SLC25A48: variants seen among roughly 807,000 people sequenced by gnomAD.
The protein encoded by SLC25A48 is CTC-321K16.1.
SLC25A48 carries 29 observed loss-of-function variants against 32.2 expected under a neutral mutation model. That is an observed-to-expected ratio of 0.90 (90% CI 0.67 to 1.23). The LOEUF is 1.23. Among genes scored for constraint, SLC25A48 ranks in the 50% most tolerant of loss-of-function variants. The pLI, the probability that SLC25A48 is intolerant of heterozygous loss-of-function variation, is 0.00. For synonymous variants in SLC25A48, 164 were observed against 172.3 expected, an observed-to-expected ratio of 0.95 and a Z score of 0.38; for missense variants, 399 against 422.7, an observed-to-expected ratio of 0.94 and a Z score of 0.49.
chr5:135,680,031 G>A (rs899395683), intron 3 of SLC25A48, among the ~76,000 whole-genome samples: 4 of 151,994 alleles, frequency 2.6e-5, no homozygotes, highest in Admixed American at 2.6e-4. Context: ...TTTTTGCACT[G>A]GGTTGCCTCT....
intron 3 of SLC25A48, among the ~76,000 whole-genome samples, chr5:135,644,085 G>T (rs1401501163): frequency 1.3e-5 from 2 of 152,116 alleles, no homozygotes; most frequent in Non-Finnish European, 2.9e-5. Flanking sequence ...AGGGGCCAAG[G>T]AGGTTATTCA....
intron 4 of SLC25A48, among the ~76,000 whole-genome samples, chr5:135,820,495 T>G (rs1294339106): frequency 2.6e-5 from 4 of 152,174 alleles, no homozygotes; most frequent in Admixed American, 6.5e-5. Flanking sequence ...CACTTTACGG[T>G]GTATATAAAT....
chr5:135,731,875 C>G (rs1344805672), intron 3 of SLC25A48, among the ~76,000 whole-genome samples: 1 of 152,210 alleles, frequency 6.6e-6, no homozygotes, highest in East Asian at 1.9e-4. Context: ...CCTGGAGAAA[C>G]AGTGTAAACC....
intron 3 of SLC25A48, among the ~76,000 whole-genome samples, chr5:135,748,126 A>C (rs1755683708): frequency 6.6e-6 from 1 of 152,194 alleles, no homozygotes; most frequent in African/African-American, 2.4e-5. Context: ...CCTATCAGGT[A>C]GGGACTATTG....
intron 1 of SLC25A48, among the ~76,000 whole-genome samples, chr5:135,602,679 A>T (rs1217884630): frequency 6.8e-6 from 1 of 147,574 alleles, no homozygotes; most frequent in Non-Finnish European, 1.5e-5. Context: ...TTTGTTACAT[A>T]TGTATACATG....
At chr5:135,724,412 G>A (rs1277873373) in intron 3 of SLC25A48, among the ~76,000 whole-genome samples, 1 of 152,130 alleles carries the variant, frequency 6.6e-6, no homozygotes, top group Non-Finnish European at 1.5e-5. Flanking sequence ...GAGCCCCTGC[G>A]CCACCCAGCT....
At chr5:135,662,053 G>A (rs975243042) in intron 3 of SLC25A48, among the ~76,000 whole-genome samples, 3 of 152,110 alleles carry the variant, frequency 2.0e-5, no homozygotes, top group Admixed American at 2.0e-4. Flanking sequence ...CCTTCCACTG[G>A]CAATGCATAC....
intron 3 of SLC25A48, among the ~76,000 whole-genome samples, chr5:135,694,707 C>G (rs988759049): frequency 6.6e-6 from 1 of 152,094 alleles, no homozygotes; most frequent in African/African-American, 2.4e-5. Flanking sequence ...CCTGCTCAGC[C>G]TCCTGAGTAG....
chr5:135,879,380 A>G (rs1762274562), intron 6 of SLC25A48, among the ~76,000 whole-genome samples: 1 of 152,062 alleles, frequency 6.6e-6, no homozygotes, highest in Admixed American at 6.6e-5. Flanking sequence ...CGCCCCTTAC[A>G]GTCGGGAAAA....
At chr5:135,870,590 G>T (rs890779285) in intron 4 of SLC25A48, among the ~76,000 whole-genome samples, 1 of 152,202 alleles carries the variant, frequency 6.6e-6, no homozygotes, top group African/African-American at 2.4e-5. Context: ...GAGCCCCAGT[G>T]CTGCCCTACA....
intron 3 of SLC25A48, among the ~76,000 whole-genome samples, chr5:135,695,799 A>G (rs1201065584): frequency 2.6e-5 from 4 of 152,188 alleles, no homozygotes; most frequent in Non-Finnish European, 5.9e-5. Context: ...TCTCCAGGAT[A>G]TGGGCCCTTG....
At chr5:135,864,593 G>A (rs1211460419) in intron 4 of SLC25A48, among the ~76,000 whole-genome samples, 4 of 152,228 alleles carry the variant, frequency 2.6e-5, no homozygotes, top group Non-Finnish European at 4.4e-5. Context: ...GAGAGCTGGA[G>A]CAATGGCAGC....
intron 3 of SLC25A48, among the ~76,000 whole-genome samples, chr5:135,652,986 A>T (rs1753152358): frequency 6.6e-6 from 1 of 152,210 alleles, no homozygotes; most frequent in South Asian, 2.1e-4. Flanking sequence ...GATTAACACC[A>T]TCATAAAAGG....
At chr5:135,831,452 C>T (rs1001534850), upstream of SLC25A48, among the ~76,000 whole-genome samples, 3 of 152,224 alleles carry the variant, frequency 2.0e-5, no homozygotes, top group Non-Finnish European at 4.4e-5. Flanking sequence ...ACCACTGAGT[C>T]TGACAGCAGA....
rs1334894949 is a variant in SLC25A48 at position 135,852,646 on chromosome 5, C to G, written c.246C>G (p.Asn82Lys). Residue 82 changes from asparagine to lysine, a missense_variant, in exon 4 of 8, where the codon AAC becomes AAG. Coordinates refer to ENST00000681962, the MANE Select transcript of SLC25A48 (RefSeq NM_001349336.2). ...CCGTGGTGTTTGGGGTCTTCAGTAA[C>G]ACGCAGCGGTTCCTCAGCCAGCACC... ...YNSVVFGVFS[N>K]TQRFLSQHRC... is the part of the protein sequence containing the mutation. The G allele has an allele frequency of 5.0e-6, 8 of 1,613,710 alleles. No individual in the cohort carries two copies. Among genetic ancestry groups the G allele is most frequent in the Non-Finnish European group, 5.1e-6 (6 of 1,179,764 alleles).
At chr5:135,784,607 G>A (rs528714214) in intron 3 of SLC25A48, among the ~76,000 whole-genome samples, 1 of 118,136 alleles carries the variant, frequency 8.5e-6, no homozygotes, top group African/African-American at 2.6e-5. Context: ...AGAAGGAGAG[G>A]TTATTATTAC....
chr5:135,650,560 A>G (rs1172629785), intron 3 of SLC25A48: 1 of 219,024 alleles, frequency 4.6e-6, no homozygotes, highest in Non-Finnish European at 8.2e-6. Context: ...GAGTGGAACT[A>G]AAAAAAAAAC....
intron 3 of SLC25A48, among the ~76,000 whole-genome samples, chr5:135,744,049 T>C (rs971443725): frequency 1.3e-5 from 2 of 152,194 alleles, no homozygotes; most frequent in African/African-American, 4.8e-5. Context: ...TTAATTCTTC[T>C]TTTACTCCCT....
intron 3 of SLC25A48, among the ~76,000 whole-genome samples, chr5:135,796,400 A>T (rs900824796): frequency 6.7e-6 from 1 of 149,988 alleles, no homozygotes; most frequent in South Asian, 2.1e-4. Context: ...CGCAGGAGGC[A>T]TACAGCCCCC....
Sources: allele counts gnomAD v4.1 joint callset (sites outside exome capture counted in the v4.1 genomes callset), GRCh38; gene constraint gnomAD v4.1.1; transcripts MANE v1.5; gene names NCBI Gene and HGNC (gene_info 2026-07-23, HGNC 2026-07-21).